The following NOMO2 variants were observed in gnomAD, a reference collection of about 807,000 sequenced individuals.
NOMO2 encodes BOS complex subunit NOMO2.
A neutral mutation model predicts 67.1 loss-of-function variants in NOMO2; 14 were observed. That is an observed-to-expected ratio of 0.21 (90% CI 0.14 to 0.33). The LOEUF (loss-of-function observed/expected upper bound fraction) is 0.33, where lower values mean the gene tolerates loss of function less well. NOMO2 is among the 10% of genes least tolerant of loss of function. NOMO2 has a pLI of 1.00. For synonymous variants in NOMO2, 80 were observed against 305.9 expected, an observed-to-expected ratio of 0.26 and a Z score of 7.71; for missense variants, 178 against 761.0, an observed-to-expected ratio of 0.23 and a Z score of 9.01.
chr16:18,560,742 G>A (rs1463604624), intron 1 of NOMO2, among the ~76,000 whole-genome samples: 1 of 151,748 alleles, frequency 6.6e-6, no homozygotes, highest in Non-Finnish European at 1.5e-5. Context: ...CTGAAACCTA[G>A]AGCAAGGGCA....
chr16:18,558,165 GCCA>G (rs1901954726), intron 1 of NOMO2, among the ~76,000 whole-genome samples: 1 of 141,816 alleles, frequency 7.1e-6, no homozygotes, highest in Non-Finnish European at 1.5e-5. Flanking sequence ...GGTGGCTCAT[GCCA>G]GTACTCCCAG....
chr16:18,539,865 G>C (rs1456804333), intron 9 of NOMO2, among the ~76,000 whole-genome samples: 1 of 152,120 alleles, frequency 6.6e-6, no homozygotes, highest in African/African-American at 2.4e-5. Flanking sequence ...ACTTGCCTGT[G>C]AGCAGCACAC....
At chr16:18,543,956 C>CA (rs1567243721) in intron 6 of NOMO2, among the ~76,000 whole-genome samples, 187 bp from the exon 7 acceptor site, 1 of 143,414 alleles carries the variant, frequency 7.0e-6, no homozygotes. Flanking sequence ...TGCAATGGTG[C>CA]AACCTCGGCT....
intron 3 of NOMO2, among the ~76,000 whole-genome samples, chr16:18,553,482 T>G (rs1369933837): frequency 6.6e-6 from 1 of 150,898 alleles, no homozygotes; most frequent in African/African-American, 2.4e-5. Flanking sequence ...GATCTCTAAT[T>G]TGTAGAAGGT....
rs1901937833 is a variant in NOMO2, at chr16:18,557,599, A to G, written c.255+103T>C. The G allele has an allele frequency of 3.7e-6, 6 of 1,601,578 alleles. No homozygotes were observed. In the South Asian group the frequency reaches 4.4e-5, roughly 12 times the overall value. On this transcript the variant is annotated intron_variant, in intron 2 of 30. Transcript: ENST00000622306. ...TATCATATTCCACTAATAATTTACA[A>G]AACAGATGAGCATTTGCTAGTGTAG...
At chr16:18,549,335 G>A (rs568541685) in intron 5 of NOMO2, among the ~76,000 whole-genome samples, 186 bp downstream of exon 5, 282 of 151,054 alleles carry the variant, frequency 1.9e-3, no homozygotes, top group African/African-American at 6.6e-3. Flanking sequence ...GGCAAGATGG[G>A]TCAAATGGAT....
chr16:18,552,672 TA>T (rs913208897), intron 3 of NOMO2, among the ~76,000 whole-genome samples: 1 of 151,160 alleles, frequency 6.6e-6, no homozygotes, highest in Admixed American at 6.6e-5. Context: ...GGGCTAAAAT[TA>T]AAAAAAACTG....
Position 18,557,114 on chromosome 16 carries a change from G to A in NOMO2, c.255+588C>T, listed in dbSNP as rs146474235. The stretch of plus-strand genomic sequence containing the variant: ...TGCACTCCAGCCTGGGCGACAGAGC[G>A]AGACTCCATCTCAAAAGAAGAAAAA... On this transcript the variant is annotated intron_variant, in intron 2 of 30. Transcript: ENST00000622306. 3.0e-3 allele frequency among the ~76,000 whole-genome samples: 448 copies of A among 151,654 alleles called. 4 individuals carry two copies. Among genetic ancestry groups the A allele is most frequent in the Non-Finnish European group, 5.1e-3 (347 of 67,906 alleles).
Position 18,562,071 on chromosome 16 carries a change from C to T in NOMO2, c.-31G>A, listed in dbSNP as rs1381859418. On this transcript the variant is annotated 5_prime_UTR_variant, in exon 1 of 31. Transcript: ENST00000622306. ...GACCTCCCCCAGCTAGACCCACCGCCGGCAGCCGGGTCCCGCCCCTCACAC... is the reference window on the plus strand; with the variant it reads ...GACCTCCCCCAGCTAGACCCACCGCTGGCAGCCGGGTCCCGCCCCTCACAC... The T allele has an allele frequency of 7.1e-6, 10 of 1,413,716 alleles. No homozygotes were observed. Among genetic ancestry groups the T allele is most frequent in the African/African-American group, 4.6e-5 (3 of 64,782 alleles). 87.6% of individuals were successfully genotyped at this position (1,413,716 alleles called of 1,614,324 possible).
At chr16:18,534,685 T>C (rs1192615831) in intron 11 of NOMO2, among the ~76,000 whole-genome samples, 1 of 29,978 alleles carries the variant, frequency 3.3e-5, no homozygotes, top group Non-Finnish European at 7.9e-5. Flanking sequence ...AGAGGACACA[T>C]CACCTTGTCT....
At chr16:18,549,104 G>A (rs202161838) in intron 5 of NOMO2, among the ~76,000 whole-genome samples, 80,690 of 141,512 alleles carry the variant, frequency 0.57, 21,495 homozygotes, top group Middle Eastern at 0.66. Flanking sequence ...ACAGAAGCAT[G>A]CCACCACACC....
chr16:18,528,155 C>T (rs1901189297), intron 15 of NOMO2: 1 of 444,888 alleles, frequency 2.2e-6, no homozygotes, highest in African/African-American at 2.0e-5. Context: ...GTGCAAAGGC[C>T]CCGAGGAGGG....
intron 9 of NOMO2, 149 bp from the exon 10 acceptor site, chr16:18,539,113 C>T (rs1460486917): frequency 2.7e-5 from 18 of 670,298 alleles, no homozygotes; most frequent in Non-Finnish European, 5.0e-5. Context: ...GTGTGCCAGC[C>T]GGGCTCCCTC....
In NOMO2 at chr16:18,554,004, C is replaced by T. The variant is rs62044028; in HGVS notation, c.301+803G>A. ...CCAAGCCATGGACTGGGGTCACCCACACCTGCTCTACTGAAACATCAAGAG... is the reference window on the plus strand; with the variant it reads ...CCAAGCCATGGACTGGGGTCACCCATACCTGCTCTACTGAAACATCAAGAG... On this transcript the variant is annotated intron_variant, in intron 3 of 30. Coordinates refer to ENST00000622306, the MANE Select transcript of NOMO2 (RefSeq NM_173614.4). Among the ~76,000 whole-genome samples, 256 of 149,456 alleles carry T rather than the reference C, an allele frequency of 1.7e-3. 1 individual carries two copies. Among genetic ancestry groups the T allele is most frequent in the Non-Finnish European group, 3.3e-3 (220 of 67,316 alleles).
chr16:18,526,189 T>C (rs2141714237), intron 16 of NOMO2, among the ~76,000 whole-genome samples: 1 of 152,080 alleles, frequency 6.6e-6, no homozygotes, highest in East Asian at 1.9e-4. Flanking sequence ...AATTATTCAT[T>C]AGGAAAATGC....
intron 11 of NOMO2, among the ~76,000 whole-genome samples, chr16:18,537,168 A>G (rs1192314680): frequency 1.3e-5 from 2 of 152,086 alleles, no homozygotes; most frequent in Non-Finnish European, 1.5e-5. Flanking sequence ...TACCTATTGA[A>G]GAGCTCCACC....
chr16:18,530,822 C>T (rs1901278846), intron 14 of NOMO2, among the ~76,000 whole-genome samples: 1 of 89,782 alleles, frequency 1.1e-5, no homozygotes, highest in Non-Finnish European at 2.4e-5. Context: ...ACAGAAGCCG[C>T]CAGTGGGCTG....
At chr16:18,520,531 G>A in intron 20 of NOMO2, 66 bp downstream of exon 20, 3 of 742,546 alleles carry the variant, frequency 4.0e-6, no homozygotes, top group East Asian at 2.7e-5. Flanking sequence ...AAATCTACTT[G>A]TAAATGCAGG....
At chr16:18,544,881 A>G (rs1901630944) in intron 6 of NOMO2, among the ~76,000 whole-genome samples, 3 of 152,018 alleles carry the variant, frequency 2.0e-5, no homozygotes, top group Admixed American at 2.0e-4. Context: ...ACCCAACAGA[A>G]GAGCACCAGC....
Sources: allele counts gnomAD v4.1 joint callset (sites outside exome capture counted in the v4.1 genomes callset), GRCh38; gene constraint gnomAD v4.1.1; transcripts MANE v1.5; gene names NCBI Gene and HGNC (gene_info 2026-07-23, HGNC 2026-07-21).